Variants in LRP5 observed in about 807,000 individuals in gnomAD.
LRP5 encodes the protein LDL receptor related protein 5.
Under a neutral mutation model 154.1 loss-of-function variants are expected in LRP5, and 62 were observed. The observed-to-expected ratio is 0.40, with a 90% CI of 0.33 to 0.50. The LOEUF (loss-of-function observed/expected upper bound fraction) is 0.50, where lower values mean the gene tolerates loss of function less well. Ranked by LOEUF, LRP5 falls within the 20% of genes least tolerant of loss-of-function variation. The pLI, the probability that LRP5 is intolerant of heterozygous loss-of-function variation, is 0.55. For missense variants in LRP5, 1,915 were observed against 2,336.7 expected (o/e 0.82, Z 3.72); for synonymous variants, 966 against 1,011.5 (o/e 0.96, Z 0.85).
At chr11:68,325,775 G>A (rs1297958970) in intron 1 of LRP5, among the ~76,000 whole-genome samples, 2 of 152,222 alleles carry the variant, frequency 1.3e-5, no homozygotes, top group East Asian at 3.9e-4. Flanking sequence ...TCTGGGACAA[G>A]CACGTTAACT....
At chr11:68,333,103 G>A (rs553918195) in intron 1 of LRP5, among the ~76,000 whole-genome samples, 12 of 152,280 alleles carry the variant, frequency 7.9e-5, no homozygotes, top group South Asian at 2.1e-4. Flanking sequence ...TGCGGTCATC[G>A]TAGCTGCATG....
chr11:68,376,061 AC>A (rs1441308616), intron 5 of LRP5, among the ~76,000 whole-genome samples: 1 of 151,744 alleles, frequency 6.6e-6, no homozygotes, highest in Admixed American at 6.6e-5. Flanking sequence ...GGGGTGGGTG[AC>A]AAAAGTAACG....
At chr11:68,376,836 C>T (rs560182858) in intron 5 of LRP5, among the ~76,000 whole-genome samples, 1 of 152,258 alleles carries the variant, frequency 6.6e-6, no homozygotes, top group Admixed American at 6.5e-5. Flanking sequence ...TTTAAGTCAC[C>T]AACTGTTTTA....
chr11:68,339,696 G>A (rs2098607814), intron 1 of LRP5, among the ~76,000 whole-genome samples: 1 of 152,118 alleles, frequency 6.6e-6, no homozygotes, highest in Non-Finnish European at 1.5e-5. Context: ...TCTCACCTCC[G>A]TCAGGTGGTG....
chr11:68,445,725 G>C, intron 21 of LRP5: 1 of 1,222,064 alleles, frequency 8.2e-7, no homozygotes, highest in South Asian at 1.3e-5. Context: ...AGGGCCCCTG[G>C]TCCCTTCCTC....
the LRP5 span, among the ~76,000 whole-genome samples, chr11:68,301,073 A>C: frequency 2.0e-5 from 3 of 147,394 alleles, no homozygotes; most frequent in Admixed American, 2.0e-4. Context: ...GGGATGACAG[A>C]CGTGCACCAC....
At chr11:68,385,750 T>C (rs1207458245) in intron 5 of LRP5, among the ~76,000 whole-genome samples, 1 of 152,108 alleles carries the variant, frequency 6.6e-6, no homozygotes, top group Non-Finnish European at 1.5e-5. Context: ...TTGAAGGGTG[T>C]GTCTGGCCCT....
chr11:68,436,787 T>C (rs2098675225), intron 18 of LRP5, 102 bp from the exon 19 acceptor site: 1 of 810,848 alleles, frequency 1.2e-6, no homozygotes. Flanking sequence ...GGGTCCCATC[T>C]GTCTGCTCTC....
chr11:68,388,805 T>G (rs57197891), intron 6 of LRP5, among the ~76,000 whole-genome samples: 31 of 151,962 alleles, frequency 2.0e-4, no homozygotes, highest in African/African-American at 6.8e-4. Context: ...AGGGCTGGTG[T>G]GGTGAAACCC....
Position 68,312,745 on chromosome 11 carries a change from C to A in LRP5, c.31C>A (p.Pro11Thr). Residue 11 changes from proline (P) to threonine (T), a missense_variant, in exon 1 of 23, where the codon CCG (proline) becomes ACG (threonine). Around this residue, in one of 3 missense-constraint regions of LRP5, gnomAD observed 48 missense variants for 25.7 expected, o/e 1.87. Coordinates refer to ENST00000294304, the MANE Select transcript of LRP5 (RefSeq NM_002335.4). Reference protein sequence around the residue: MEAAPPGPPWPLLLLLLLLLA... With the variant: MEAAPPGPPWTLLLLLLLLLA... ...GGCAGCGCCGCCCGGGCCGCCGTGG[C>A]CGCTGCTGCTGCTGCTGCTGCTGCT... 4.7e-6 allele frequency: 5 copies of A among 1,071,110 alleles called. No individual in the cohort carries two copies. Among genetic ancestry groups the A allele is most frequent in the Non-Finnish European group, 5.7e-6 (5 of 883,586 alleles). The allele number at this position is 1,071,110 out of a possible 1,614,324, so 66.4% of individuals were successfully genotyped here. A position where few individuals can be genotyped will look rare whatever the true frequency, so the allele number is the denominator to read the frequency against.
At chr11:68,404,470 C>A in intron 8 of LRP5, 5 of 493,626 alleles carry the variant, frequency 1.0e-5, no homozygotes, top group Non-Finnish European at 2.0e-5. Context: ...ATGTCAGATC[C>A]CCGGCTTTAA....
intron 3 of LRP5, among the ~76,000 whole-genome samples, chr11:68,362,820 G>A (rs1253259485): frequency 6.6e-6 from 1 of 152,168 alleles, no homozygotes; most frequent in Non-Finnish European, 1.5e-5. Context: ...CATCTTCCCT[G>A]TGCCACTTCA....
intron 22 of LRP5, 124 bp downstream of exon 22, chr11:68,446,657 C>T: frequency 1.2e-6 from 1 of 845,128 alleles, no homozygotes; most frequent in Admixed American, 2.0e-5. Flanking sequence ...GTGCCGGGCC[C>T]AGCCCTGCCT....
chr11:68,335,512 A>G (rs946339903), intron 1 of LRP5, among the ~76,000 whole-genome samples: 3 of 152,002 alleles, frequency 2.0e-5, no homozygotes, highest in Admixed American at 2.0e-4. Context: ...CAGTGAGCCA[A>G]GGTCACACCA....
At chr11:68,305,379 G>A in the LRP5 span, among the ~76,000 whole-genome samples, 3 of 152,006 alleles carry the variant, frequency 2.0e-5, no homozygotes, top group Non-Finnish European at 4.4e-5. Context: ...TGCTTGTACA[G>A]CCTGCAGAAC....
At chr11:68,373,075 C>T (rs368190154) in intron 5 of LRP5, among the ~76,000 whole-genome samples, 68 of 152,116 alleles carry the variant, frequency 4.5e-4, no homozygotes, top group East Asian at 3.3e-3. Context: ...TTGTGGGGGG[C>T]GGCGCTAGCA....
In LRP5 at chr11:68,385,000, C is replaced by T. The variant is rs549384924; in HGVS notation, c.1016-1316C>T. ...AGCCTGAGTTAAGCTTCTCTTGTGC[C>T]GGTTGTACGCTGTCAGGTCACACTG... On this transcript the variant is annotated intron_variant, in intron 5 of 22. Transcript: ENST00000294304. Among the ~76,000 whole-genome samples, 353 of 152,312 alleles carry T rather than the reference C, an allele frequency of 2.3e-3. 1 individual carries two copies. Among genetic ancestry groups the T allele is most frequent in the South Asian group, 9.7e-3 (47 of 4,828 alleles).
At chr11:68,377,947 C>T (rs1436290878) in intron 5 of LRP5, among the ~76,000 whole-genome samples, 1 of 152,148 alleles carries the variant, frequency 6.6e-6, no homozygotes, top group Admixed American at 6.5e-5. Context: ...GGGTTGGTGC[C>T]GGCTGTGGTG....
rs1373447487 is a variant in LRP5 at position 68,426,013 on chromosome 11, G to A, written c.3463G>A (p.Val1155Met). Residue 1155 changes from valine (V) to methionine (M), a missense_variant, in exon 16 of 23, where the codon GTG becomes ATG. Coordinates refer to ENST00000294304, the MANE Select transcript of LRP5 (RefSeq NM_002335.4). ...NRLTLEDANI[V>M]QPLGLTILGK... ...CCTGACCCTGGAGGACGCCAACATC[G>A]TGCAGCCTCTGGGCCTGACCATCCT... 5.6e-6 allele frequency: 9 copies of A among 1,612,838 alleles called. No homozygotes were observed. In the East Asian group the frequency reaches 6.7e-5, roughly 12 times the overall value.
Sources: gnomAD v4.1 joint callset for allele counts (sites outside exome capture counted in the v4.1 genomes callset) on GRCh38, gnomAD v4.1.1 for gene constraint, gnomAD v4.1.1 regional missense constraint, MANE v1.5 for transcripts, NCBI Gene and HGNC (gene_info 2026-07-23, HGNC 2026-07-21) for gene names.